The following OPA1 variants were observed in gnomAD, a reference collection of about 807,000 sequenced individuals.
The protein encoded by OPA1 is OPA1 mitochondrial dynamin like GTPase, also known as dynamin-like GTPase OPA1, mitochondrial.
A neutral mutation model predicts 152.9 loss-of-function variants in OPA1; 59 were observed. The observed-to-expected ratio is 0.39, with a 90% CI of 0.31 to 0.48. The LOEUF is 0.48. Ranked by LOEUF, OPA1 falls within the 20% of genes least tolerant of loss-of-function variation. OPA1 has a pLI of 0.96. For missense variants in OPA1, 1,008 were observed against 1,216.8 expected, an observed-to-expected ratio of 0.83 and a Z score of 2.55; for synonymous variants, 400 against 389.9, an observed-to-expected ratio of 1.03 and a Z score of -0.31.
intron 10 of OPA1, among the ~76,000 whole-genome samples, chr3:193,637,618 T>C (rs997467820): frequency 4.6e-5 from 7 of 152,178 alleles, no homozygotes; most frequent in Non-Finnish European, 1.0e-4. Flanking sequence ...AAATTTAAGC[T>C]AATAGAATTG....
rs368853243 is a variant in OPA1 at position 193,617,807 on chromosome 3, A to C, written c.580A>C (p.Ile194Leu). Residue 194 changes from isoleucine to leucine, a missense_variant, in exon 5 of 31, where the codon ATA (isoleucine) becomes CTA (leucine). Physicochemically the swap from Ile to Leu is conservative, Grantham distance 5. Around this residue, in one of 7 missense-constraint regions of OPA1, gnomAD observed 408 missense variants for 395.1 expected, o/e 1.03. Transcript: ENST00000361510. Reference protein sequence around the residue: ...TSGHKLVSEVIGASDLLLLLG... With the variant: ...TSGHKLVSEVLGASDLLLLLG... Reference sequence around the variant, plus strand: ...AGGTCACAAATTGGTTAGTGAAGTCATAGGAGCTTCTGACCTACTTCTCTT... The same window carrying C: ...AGGTCACAAATTGGTTAGTGAAGTCCTAGGAGCTTCTGACCTACTTCTCTT... The C allele has an allele frequency of 6.2e-6, 10 of 1,613,048 alleles. No homozygotes were observed. The Admixed American group carries it at 1.5e-4, about 24-fold the overall frequency.
intron 29 of OPA1, chr3:193,668,884 G>A (rs1414581724): frequency 1.9e-6 from 2 of 1,046,430 alleles, no homozygotes; most frequent in Non-Finnish European, 2.3e-6. Flanking sequence ...AAGGAAATCA[G>A]TGAAACATTA....
At chr3:193,667,883 C>G (rs997457704) in intron 29 of OPA1, among the ~76,000 whole-genome samples, 6 of 152,118 alleles carry the variant, frequency 3.9e-5, no homozygotes, top group African/African-American at 7.2e-5. Context: ...TATTATCCCT[C>G]CATATAACAA....
rs372378426 is a variant in OPA1 at position 193,635,081 on chromosome 3, A to G, written c.844-337A>G. Among the ~76,000 whole-genome samples the G allele has an allele frequency of 3.9e-5, 6 of 152,334 alleles. No individual in the cohort carries two copies. In the East Asian group the frequency reaches 5.8e-4, roughly 15 times the overall value. Reference sequence around the variant, plus strand: ...TAATGTGAAGACTTAAAATTTTGATATAATAGGAAATACTCCCTTCTAGAA... The same window carrying G: ...TAATGTGAAGACTTAAAATTTTGATGTAATAGGAAATACTCCCTTCTAGAA... On this transcript the variant is annotated intron_variant, in intron 8 of 30. Transcript: ENST00000361510.
intron 4 of OPA1, 72 bp from the exon 5 acceptor site, chr3:193,617,712 C>A: frequency 1.8e-6 from 2 of 1,125,400 alleles, no homozygotes; most frequent in South Asian, 1.2e-5. Flanking sequence ...AATCTGAGAT[C>A]TCAGACATCT....
chr3:193,643,682 C>A, intron 15 of OPA1, 55 bp downstream of exon 15: 3 of 1,432,770 alleles, frequency 2.1e-6, no homozygotes, highest in Non-Finnish European at 2.9e-6. Flanking sequence ...TTTAGCAATC[C>A]AAGCTTTGCA....
At chr3:193,652,626 A>G (rs1302999277) in intron 21 of OPA1, among the ~76,000 whole-genome samples, 1 of 152,184 alleles carries the variant, frequency 6.6e-6, no homozygotes, top group East Asian at 1.9e-4. Context: ...GCAGAATTTG[A>G]GGACAGAGGA....
chr3:193,594,300 T>G (rs1725154678), intron 1 of OPA1, among the ~76,000 whole-genome samples: 1 of 152,250 alleles, frequency 6.6e-6, no homozygotes, highest in South Asian at 2.1e-4. Flanking sequence ...AATTAACTTC[T>G]AAGCAGTTGT....
Position 193,662,962 on chromosome 3 carries a change from G to C in OPA1, c.2661G>C (p.Leu887Phe). 1 of 1,613,328 alleles carries C rather than the reference G, an allele frequency of 6.2e-7. No individual in the cohort carries two copies. The highest frequency in any genetic ancestry group is 8.5e-7 in the Non-Finnish European group (1 of 1,179,454). The change falls in exon 26 of 31, where the codon TTG becomes TTC. Residue 887 changes from leucine to phenylalanine, a missense_variant and splice_region_variant. Leu to Phe is a conservative substitution (Grantham distance 22, BLOSUM62 0). Coordinates refer to ENST00000361510, the MANE Select transcript of OPA1 (RefSeq NM_130837.3). The stretch of plus-strand genomic sequence containing the variant: ...GAGGAGTAGAAGTAGATCCAAGCTT[G>C]GTAATAAATACTGCTGAGAAGCAGG... The part of the protein sequence containing the change: ...ESRGVEVDPS[L>F]IKDTWHQVYR...
chr3:193,608,452 C>T (rs1469976585), intron 1 of OPA1, among the ~76,000 whole-genome samples: 3 of 152,158 alleles, frequency 2.0e-5, no homozygotes, highest in South Asian at 2.1e-4. Flanking sequence ...GCCTTCATTT[C>T]GTTATGTACC....
intron 1 of OPA1, among the ~76,000 whole-genome samples, chr3:193,608,078 A>G (rs904807808): frequency 2.0e-5 from 3 of 152,114 alleles, no homozygotes; most frequent in Non-Finnish European, 2.9e-5. Flanking sequence ...TTATTGGTAT[A>G]TAAGAATGCT....
chr3:193,684,446 C>CTTT (rs67027119), intron 29 of OPA1, among the ~76,000 whole-genome samples: 11 of 105,912 alleles, frequency 1.0e-4, no homozygotes, highest in East Asian at 2.6e-4. Context: ...ATGGTACTAC[C>CTTT]TTTTTTTTTT....
At chr3:193,630,907 T>C (rs1731976544) in intron 7 of OPA1, among the ~76,000 whole-genome samples, 5 of 152,182 alleles carry the variant, frequency 3.3e-5, no homozygotes, top group Admixed American at 3.3e-4. Flanking sequence ...TTGAAGTAGT[T>C]TACACAATAC....
chr3:193,674,594 C>A (rs1355014512), intron 29 of OPA1, among the ~76,000 whole-genome samples: 3 of 152,102 alleles, frequency 2.0e-5, no homozygotes, highest in Non-Finnish European at 2.9e-5. Flanking sequence ...ATCTCTATGC[C>A]ATGTGGAAAC....
At chr3:193,629,700 C>T (rs1731765251) in intron 7 of OPA1, among the ~76,000 whole-genome samples, 1 of 152,082 alleles carries the variant, frequency 6.6e-6, no homozygotes, top group East Asian at 1.9e-4. Context: ...TAATATTCTA[C>T]TAACCTTATA....
At chr3:193,627,105 G>C (rs948449879) in intron 7 of OPA1, 2 of 152,134 alleles carry the variant, frequency 1.3e-5, no homozygotes, top group African/African-American at 4.8e-5. Flanking sequence ...AAAAGATTCA[G>C]TCATGTAATT....
intron 1 of OPA1, among the ~76,000 whole-genome samples, chr3:193,613,266 C>A (rs769829007): frequency 6.6e-6 from 1 of 152,100 alleles, no homozygotes; most frequent in Non-Finnish European, 1.5e-5. Flanking sequence ...TTTTGTCTGC[C>A]TATTGTGCTA....
chr3:193,644,752 C>T (rs998178418), intron 16 of OPA1, among the ~76,000 whole-genome samples: 2 of 152,270 alleles, frequency 1.3e-5, no homozygotes, highest in Non-Finnish European at 2.9e-5. Flanking sequence ...GCCTCCTCCC[C>T]ATCTTTCTTC....
At chr3:193,620,621 A>T (rs574603390) in intron 6 of OPA1, among the ~76,000 whole-genome samples, 2 of 110,314 alleles carry the variant, frequency 1.8e-5, no homozygotes, top group African/African-American at 3.7e-5. Context: ...AGACTTACCA[A>T]TTTTTTTTTT....
Sources: allele counts gnomAD v4.1 joint callset (sites outside exome capture counted in the v4.1 genomes callset), GRCh38; gene constraint gnomAD v4.1.1; regional missense constraint gnomAD v4.1.1; transcripts MANE v1.5; gene names NCBI Gene and HGNC (gene_info 2026-07-23, HGNC 2026-07-21).